ANKRD34C: variants seen among roughly 807,000 people sequenced by gnomAD.
ANKRD34C encodes ankyrin repeat domain 34C.
For synonymous variants in ANKRD34C, 260 were observed against 253.6 expected, an observed-to-expected ratio of 1.03 and a Z score of -0.24; for missense variants, 563 against 653.0, an observed-to-expected ratio of 0.86 and a Z score of 1.50.
Position 79,287,431 on chromosome 15 carries a change from A to G in ANKRD34C, c.-45+4203A>G, listed in dbSNP as rs2058648308. ...ATGTTTATTACTATCATTAAAATATACATCCACCTTCTTTCTAAATTGTAA... is the reference window on the plus strand; with the variant it reads ...ATGTTTATTACTATCATTAAAATATGCATCCACCTTCTTTCTAAATTGTAA... On this transcript the variant is annotated intron_variant, in intron 1 of 1. Transcript: ENST00000421388. Among the ~76,000 whole-genome samples, 5 of 152,262 alleles carry G rather than the reference A, an allele frequency of 3.3e-5. No homozygotes were observed. The South Asian group carries it at 6.2e-4, about 19-fold the overall frequency.
At position 79,297,988 on chromosome 15, in the gene ANKRD34C, TA is replaced by T. The variant is rs976034831; in HGVS notation, c.*3101del. ...TTTCCAAAGCTTTTTTTTTTCTTTT[TA>T]AAAAGCCCATTGTCAACTCTCTTAG... On this transcript the variant is annotated 3_prime_UTR_variant, in exon 2 of 2. Transcript: ENST00000421388. The T allele has an allele frequency of 6.0e-6, 1 of 166,872 alleles. No homozygotes were observed. Among genetic ancestry groups the T allele is most frequent in the African/African-American group, 2.4e-5 (1 of 41,456 alleles). The allele number at this position is 166,872 out of a possible 1,614,324, so 10.3% of individuals were successfully genotyped here. A position where few individuals can be genotyped will look rare whatever the true frequency, so the allele number is the denominator to read the frequency against.
At chr15:79,291,558 T>TCACA (rs138141895) in intron 1 of ANKRD34C, among the ~76,000 whole-genome samples, 4,747 of 49,882 alleles carry the variant, frequency 0.095, 219 homozygotes, top group Non-Finnish European at 0.12. Flanking sequence ...GAAAGACCAT[T>TCACA]CACACACACA....
At position 79,294,334 on chromosome 15, in the gene ANKRD34C, T is replaced by A; in HGVS notation, c.1050T>A (p.Pro350=). 6.4e-7 allele frequency: 1 copy of A among 1,551,706 alleles called. No homozygotes were observed. Among genetic ancestry groups the A allele is most frequent in the South Asian group, 1.2e-5 (1 of 84,070 alleles). ...GTCTGGCCAGGAGAGGAACTCTCCC[T>A]GTTGACCAAGAGAAATGTGGTATGG... ...HPRLARRGTL[P]VDQEKCGMGP... The change falls in exon 2 of 2, where the codon CCT becomes CCA. Residue 350 remains proline, a synonymous_variant. Coordinates refer to ENST00000421388, the MANE Select transcript of ANKRD34C (RefSeq NM_001146341.2).
At chr15:79,291,724 T>A (rs2058660390) in intron 1 of ANKRD34C, among the ~76,000 whole-genome samples, 1 of 151,992 alleles carries the variant, frequency 6.6e-6, no homozygotes, top group Non-Finnish European at 1.5e-5. Flanking sequence ...CACAGTGCCC[T>A]TGAATGGTGG....
rs2058670671 is a variant in ANKRD34C, at chr15:79,295,704, AT to A, written c.*814del. On this transcript the variant is annotated 3_prime_UTR_variant, in exon 2 of 2. Transcript: ENST00000421388. ...GGAGTTGAATGTGATACAATTATAG[AT>A]TAAAAATATCAGAAGCATTTCCAGA... 6.0e-6 allele frequency: 1 copy of A among 167,010 alleles called. No homozygotes were observed. The highest frequency in any genetic ancestry group is 1.5e-5 in the Non-Finnish European group (1 of 68,126). 10.3% of individuals were successfully genotyped at this position (167,010 alleles called of 1,614,324 possible). A position where few individuals can be genotyped will look rare whatever the true frequency, so the allele number is the denominator to read the frequency against.
At position 79,293,873 on chromosome 15, in the gene ANKRD34C, G is replaced by C. The variant is rs1326026111; in HGVS notation, c.589G>C (p.Gly197Arg). ...CTCTGACATAGAGCTGAAGGCTCTA[G>C]GCCTGGACTCTCCACTCACTGAGAA... is the stretch of plus-strand genomic sequence containing the variant. ...SPSDIELKALGLDSPLTEKED... is the reference protein window; with the variant it reads ...SPSDIELKALRLDSPLTEKED... Residue 197 changes from glycine to arginine, a missense_variant, in exon 2 of 2, where the codon GGC (glycine) becomes CGC (arginine). Physicochemically the swap from Gly to Arg is moderately radical, Grantham distance 125. Coordinates refer to ENST00000421388, the MANE Select transcript of ANKRD34C (RefSeq NM_001146341.2). 1.3e-6 allele frequency: 2 copies of C among 1,551,560 alleles called. No homozygotes were observed. The highest frequency in any genetic ancestry group is 2.7e-5 in the African/African-American group (2 of 73,034).
At chr15:79,291,709 A>G (rs2058660349) in intron 1 of ANKRD34C, among the ~76,000 whole-genome samples, 1 of 152,096 alleles carries the variant, frequency 6.6e-6, no homozygotes, top group Non-Finnish European at 1.5e-5. Context: ...TGTATTTAAT[A>G]AACACACAGT....
intron 1 of ANKRD34C, chr15:79,283,876 C>T (rs1458326310): frequency 1.3e-5 from 2 of 152,228 alleles, no homozygotes; most frequent in African/African-American, 4.8e-5. Context: ...CGTAACACCG[C>T]CCCTAGCTCC....
chr15:79,283,292 C>T (rs1336012986), intron 1 of ANKRD34C, among the ~76,000 whole-genome samples, 64 bp downstream of exon 1: 2 of 152,254 alleles, frequency 1.3e-5, no homozygotes, highest in Non-Finnish European at 2.9e-5. Flanking sequence ...CCCGAGAAGT[C>T]GGTCCATGCT....
intron 1 of ANKRD34C, among the ~76,000 whole-genome samples, chr15:79,284,998 T>C (rs2058639533): frequency 6.6e-6 from 1 of 152,256 alleles, no homozygotes; most frequent in Non-Finnish European, 1.5e-5. Context: ...CAGTTTCATA[T>C]GGATTAATCT....
Position 79,287,047 on chromosome 15 carries a change from TTC to T in ANKRD34C, c.-45+3823_-45+3824del, listed in dbSNP as rs763661120. On this transcript the variant is annotated intron_variant, in intron 1 of 1. Coordinates refer to ENST00000421388, the MANE Select transcript of ANKRD34C (RefSeq NM_001146341.2). ...TTTTTCAAGTACTAGCTCAATTTTA[TTC>T]TCTTTGTGAGCCCTTTCCTAATCTG... Among the ~76,000 whole-genome samples the T allele has an allele frequency of 1.4e-4, 22 of 152,338 alleles. 1 individual carries two copies. Among genetic ancestry groups the T allele is most frequent in the South Asian group, 1.0e-3 (5 of 4,832 alleles).
At chr15:79,291,587 CACACACACACACACAGAGAGAGAG>C (rs1387788094) in intron 1 of ANKRD34C, among the ~76,000 whole-genome samples, 1 of 117,866 alleles carries the variant, frequency 8.5e-6, no homozygotes, top group African/African-American at 3.3e-5. Context: ...CACACACACA[CACACACACACACACAGAGAGAGAG>C]AGAGAGAGAG....
Position 79,293,288 on chromosome 15 carries a change from A to G in ANKRD34C, c.4A>G (p.Met2Val). M[M>V]DDDTELRTDG... ...GGTCCTCTAAACTGTAGCCAATATG[A>G]TGGATGATGACACTGAATTAAGGAC... Residue 2 changes from methionine (M) to valine (V), a missense_variant, in exon 2 of 2, where the codon ATG becomes GTG. Met to Val is a conservative substitution (Grantham distance 21). Coordinates refer to ENST00000421388, the MANE Select transcript of ANKRD34C (RefSeq NM_001146341.2). 2.0e-6 allele frequency: 3 copies of G among 1,510,180 alleles called. No homozygotes were observed. The highest frequency in any genetic ancestry group is 2.7e-6 in the Non-Finnish European group (3 of 1,127,200). 93.5% of individuals were successfully genotyped at this position (1,510,180 alleles called of 1,614,324 possible). A position where few individuals can be genotyped will look rare whatever the true frequency, so the allele number is the denominator to read the frequency against.
At chr15:79,291,601 CAGAGAGAG>C (rs138471761) in intron 1 of ANKRD34C, among the ~76,000 whole-genome samples, 1,933 of 83,750 alleles carry the variant, frequency 0.023, 57 homozygotes, top group African/African-American at 0.059. Context: ...CACACACACA[CAGAGAGAG>C]AGAGAGAGAG....
In ANKRD34C at chr15:79,293,607, A is replaced by G. The variant is rs1443741365; in HGVS notation, c.323A>G (p.Asn108Ser). ...GAAGTGGTCTCCTTATTACTGGAGA[A>G]TGGAGCAGACCCCAGCCTTGAAGAT... ...GGEVVSLLLE[N>S]GADPSLEDRT... is the part of the protein sequence containing the mutation. Residue 108 changes from asparagine to serine, a missense_variant, in exon 2 of 2, where the codon AAT (asparagine) becomes AGT (serine). By Grantham distance (46) the Asn-to-Ser change is conservative. Coordinates refer to ENST00000421388, the MANE Select transcript of ANKRD34C (RefSeq NM_001146341.2). 1 of 1,551,722 alleles carries G rather than the reference A, an allele frequency of 6.4e-7. No homozygotes were observed. The highest frequency in any genetic ancestry group is 1.4e-5 in the African/African-American group (1 of 73,176).
chr15:79,292,557 A>T (rs2058662360), intron 1 of ANKRD34C, among the ~76,000 whole-genome samples: 1 of 152,172 alleles, frequency 6.6e-6, no homozygotes, highest in Admixed American at 6.5e-5. Flanking sequence ...AAAAGTGAAG[A>T]CTACAACCTG....
chr15:79,293,782 G>T lies in ANKRD34C; in HGVS notation c.498G>T (p.Gln166His). 1 of 1,551,674 alleles carries T rather than the reference G, an allele frequency of 6.4e-7. No individual in the cohort carries two copies. Among genetic ancestry groups the T allele is most frequent in the Non-Finnish European group, 8.7e-7 (1 of 1,146,984 alleles). ...CTTCAGGCACCAAAACCACCAAACAGTATCTTAATGTCCCTCCTTCACCCA... is the reference window on the plus strand; with the variant it reads ...CTTCAGGCACCAAAACCACCAAACATTATCTTAATGTCCCTCCTTCACCCA... Reference protein sequence around the residue: ...KSSSGTKTTKQYLNVPPSPKV... With the variant: ...KSSSGTKTTKHYLNVPPSPKV... Residue 166 changes from glutamine to histidine, a missense_variant, in exon 2 of 2, where the codon CAG (glutamine) becomes CAT (histidine). Gln to His is a conservative substitution (Grantham distance 24, BLOSUM62 0). Transcript: ENST00000421388.
Position 79,294,673 on chromosome 15 carries a change from GC to G in ANKRD34C, c.1391del (p.Pro464ArgfsTer3). ...RISHTRPGFL[P>X]PLNVNLNPPI... Reference sequence around the variant, plus strand: ...TTTCTCACACTAGGCCTGGCTTCCTGCCGCCTTTAAATGTGAATCTGAACCC... The same window carrying G: ...TTTCTCACACTAGGCCTGGCTTCCTGCGCCTTTAAATGTGAATCTGAACCC... On this transcript the variant is annotated frameshift_variant, in exon 2 of 2. Coordinates refer to ENST00000421388, the MANE Select transcript of ANKRD34C (RefSeq NM_001146341.2). LOFTEE classifies it low-confidence loss of function (END_TRUNC). 6.4e-7 allele frequency: 1 copy of G among 1,551,662 alleles called. No homozygotes were observed. The highest frequency in any genetic ancestry group is 8.7e-7 in the Non-Finnish European group (1 of 1,146,986).
rs2058673634 is a variant in ANKRD34C at position 79,296,898 on chromosome 15, G to T, written c.*2006G>T. ...AACAAAGCTGTATGGAAATGTGAGT[G>T]CTGACTGGACAGCTATGCCCTCCTG... On this transcript the variant is annotated 3_prime_UTR_variant, in exon 2 of 2. Transcript: ENST00000421388. 6.0e-6 allele frequency: 1 copy of T among 167,110 alleles called. No homozygotes were observed. Among genetic ancestry groups the T allele is most frequent in the South Asian group, 2.1e-4 (1 of 4,832 alleles). The allele number at this position is 167,110 out of a possible 1,614,324, so 10.4% of individuals were successfully genotyped here. A position where few individuals can be genotyped will look rare whatever the true frequency, so the allele number is the denominator to read the frequency against.
Sources: gnomAD v4.1 joint callset for allele counts (sites outside exome capture counted in the v4.1 genomes callset) on GRCh38, gnomAD v4.1.1 for gene constraint, MANE v1.5 for transcripts, NCBI Gene and HGNC (gene_info 2026-07-23, HGNC 2026-07-21) for gene names.